Variants in TMC1 observed in about 807,000 individuals in gnomAD.
TMC1 encodes the protein transmembrane channel-like protein 1.
Under a neutral mutation model 105.8 loss-of-function variants are expected in TMC1, and 84 were observed. The observed-to-expected ratio is 0.79, with a 90% CI of 0.67 to 0.95. The LOEUF (loss-of-function observed/expected upper bound fraction) is 0.95. Among genes scored for constraint, TMC1 ranks in the 40% least tolerant of loss-of-function variants. TMC1 has a pLI of 0.00. For synonymous variants in TMC1, 315 were observed against 311.5 expected (o/e 1.01, Z -0.12); for missense variants, 817 against 914.1 (o/e 0.89, Z 1.37).
At chr9:72,589,551 G>A (rs1824602557) in intron 2 of TMC1, among the ~76,000 whole-genome samples, 1 of 152,176 alleles carries the variant, frequency 6.6e-6, no homozygotes, top group African/African-American at 2.4e-5. Flanking sequence ...TTGGCTCTGA[G>A]CTTCAAGGTT....
At chr9:72,754,319 C>A (rs915927030) in intron 11 of TMC1, among the ~76,000 whole-genome samples, 1 of 152,092 alleles carries the variant, frequency 6.6e-6, no homozygotes, top group Admixed American at 6.5e-5. Context: ...TTGCAGACAC[C>A]CACAAATTAC....
chr9:72,828,436 C>A (rs1043094372), intron 21 of TMC1, among the ~76,000 whole-genome samples: 1 of 152,120 alleles, frequency 6.6e-6, no homozygotes, highest in African/African-American at 2.4e-5. Context: ...CACACACACA[C>A]ACACACAATG....
At chr9:72,711,962 A>C (rs753510341) in intron 8 of TMC1, among the ~76,000 whole-genome samples, 10 of 152,064 alleles carry the variant, frequency 6.6e-5, no homozygotes, top group Non-Finnish European at 1.3e-4. Flanking sequence ...GTAAGGAAGG[A>C]ATCCAGTTTC....
At chr9:72,670,129 T>G (rs1019183779) in intron 5 of TMC1, among the ~76,000 whole-genome samples, 2 of 152,184 alleles carry the variant, frequency 1.3e-5, no homozygotes, top group Non-Finnish European at 2.9e-5. Context: ...TTCTGTAGTG[T>G]TCCTGCTGAC....
chr9:72,751,747 C>T (rs1827582908), intron 10 of TMC1, 103 bp from the exon 11 acceptor site: 2 of 774,492 alleles, frequency 2.6e-6, no homozygotes, highest in South Asian at 1.4e-5. Context: ...GGACCAATGC[C>T]TCACAATTAA....
intron 8 of TMC1, among the ~76,000 whole-genome samples, chr9:72,704,973 G>A (rs1421703459): frequency 6.6e-6 from 1 of 151,716 alleles, no homozygotes; most frequent in African/African-American, 2.4e-5. Context: ...AAGGGAAACA[G>A]TGTCATATTT....
intron 2 of TMC1, among the ~76,000 whole-genome samples, chr9:72,587,435 G>A (rs536946883): frequency 3.3e-5 from 5 of 152,324 alleles, no homozygotes; most frequent in Non-Finnish European, 5.9e-5. Flanking sequence ...TGGGATTACA[G>A]GCATGAGCCA....
chr9:72,682,087 T>C (rs1452404530), intron 5 of TMC1, among the ~76,000 whole-genome samples: 1 of 152,184 alleles, frequency 6.6e-6, no homozygotes, highest in Non-Finnish European at 1.5e-5. Context: ...AAACTATTAT[T>C]CTCCTTGTAA....
intron 1 of TMC1, among the ~76,000 whole-genome samples, chr9:72,567,697 A>G (rs144007858): frequency 1.1e-3 from 166 of 152,258 alleles, no homozygotes; most frequent in African/African-American, 3.8e-3. Context: ...CACCCTAGAC[A>G]TGGTGATTAT....
At chr9:72,809,643 T>C (rs1271172259) in intron 18 of TMC1, among the ~76,000 whole-genome samples, 1 of 152,198 alleles carries the variant, frequency 6.6e-6, no homozygotes, top group Non-Finnish European at 1.5e-5. Flanking sequence ...TAATGGATAT[T>C]TTTGTTTGGT....
Position 72,685,169 on chromosome 9 carries a change from C to T in TMC1, c.17-3540C>T, listed in dbSNP as rs1447635572. Among the ~76,000 whole-genome samples the T allele has an allele frequency of 2.2e-5, 3 of 138,108 alleles. No homozygotes were observed. In the Admixed American group the frequency reaches 2.4e-4, roughly 11 times the overall value. The allele number at this position is 138,108 out of a possible 152,430, so 90.6% of individuals were successfully genotyped here. On this transcript the variant is annotated intron_variant, in intron 5 of 23. Transcript: ENST00000297784. Reference sequence around the variant, plus strand: ...TCGCCCAGGCCAGAGTGCAGTGGCGCTATCTCAGCTCACTGCAAGCTCCGC... The same window carrying T: ...TCGCCCAGGCCAGAGTGCAGTGGCGTTATCTCAGCTCACTGCAAGCTCCGC...
intron 2 of TMC1, among the ~76,000 whole-genome samples, chr9:72,589,176 T>A (rs913324305): frequency 4.6e-5 from 7 of 152,228 alleles, no homozygotes; most frequent in Non-Finnish European, 1.0e-4. Flanking sequence ...GAATAAATTC[T>A]CCTAGCTGGT....
At chr9:72,590,257 T>C (rs562733726) in intron 2 of TMC1, among the ~76,000 whole-genome samples, 180 of 152,362 alleles carry the variant, frequency 1.2e-3, no homozygotes, top group African/African-American at 4.2e-3. Context: ...TTGCCCTTTA[T>C]ACTCTGACAG....
chr9:72,581,842 A>AT lies in TMC1; in HGVS notation c.-306+3827dup, dbSNP rs199886488. On this transcript the variant is annotated intron_variant, in intron 2 of 23. Coordinates refer to ENST00000297784, the MANE Select transcript of TMC1 (RefSeq NM_138691.3). ...CTCCACAGTGCTGAAAATAGTCTGAATTTTTTTTGTGTGTTAGGTTGATGA... is the reference window on the plus strand; with the variant it reads ...CTCCACAGTGCTGAAAATAGTCTGAATTTTTTTTTGTGTGTTAGGTTGATGA... 6.2e-4 allele frequency among the ~76,000 whole-genome samples: 95 copies of AT among 152,114 alleles called. No individual in the cohort carries two copies. The East Asian group carries it at 0.014, about 22-fold the overall frequency.
At chr9:72,778,492 A>G (rs1828039818) in intron 13 of TMC1, among the ~76,000 whole-genome samples, 2 of 152,174 alleles carry the variant, frequency 1.3e-5, no homozygotes, top group South Asian at 2.1e-4. Context: ...AGGAGTCTCA[A>G]TGACCCCCAT....
At chr9:72,603,875 T>C (rs910348046) in intron 2 of TMC1, among the ~76,000 whole-genome samples, 15 of 110,566 alleles carry the variant, frequency 1.4e-4, no homozygotes, top group East Asian at 2.6e-4. Flanking sequence ...TTTTTTTTTT[T>C]TCTTTTTTGA....
intron 1 of TMC1, among the ~76,000 whole-genome samples, chr9:72,554,734 C>T (rs1021193071): frequency 2.0e-5 from 3 of 152,020 alleles, no homozygotes; most frequent in African/African-American, 4.8e-5. Context: ...GGGGTTGGAT[C>T]GTGTGATTTA....
At chr9:72,666,803 A>C (rs561370177) in intron 5 of TMC1, among the ~76,000 whole-genome samples, 1 of 152,288 alleles carries the variant, frequency 6.6e-6, no homozygotes, top group South Asian at 2.1e-4. Context: ...TAATCCCAGC[A>C]CTTTGGAAGA....
At chr9:72,773,707 C>T (rs1486531518) in intron 13 of TMC1, among the ~76,000 whole-genome samples, 1 of 152,126 alleles carries the variant, frequency 6.6e-6, no homozygotes, top group African/African-American at 2.4e-5. Flanking sequence ...TTACTGAGGC[C>T]TCATGAGTAT....
Sources: gnomAD v4.1 joint callset for allele counts (sites outside exome capture counted in the v4.1 genomes callset) on GRCh38, gnomAD v4.1.1 for gene constraint, MANE v1.5 for transcripts, NCBI Gene and HGNC (gene_info 2026-07-23, HGNC 2026-07-21) for gene names.